GKN1: variants seen among roughly 807,000 people sequenced by gnomAD.
GKN1 encodes the protein gastrokine 1, also known as gastrokine-1.
In GKN1, 17 loss-of-function variants were observed where a neutral mutation model predicts 19.7. That is an observed-to-expected ratio of 0.86 (90% CI 0.59 to 1.29). The LOEUF is 1.29. Ranked by LOEUF, GKN1 falls within the 50% of genes most tolerant of loss-of-function variation. GKN1 has a pLI of 0.00. For synonymous variants in GKN1, 96 were observed against 78.3 expected, an observed-to-expected ratio of 1.23 and a Z score of -1.20; for missense variants, 218 against 224.5, an observed-to-expected ratio of 0.97 and a Z score of 0.19.
chr2:68,977,878 A>C (rs879917471), intron 3 of GKN1, 104 bp downstream of exon 3: 11 of 940,474 alleles, frequency 1.2e-5, no homozygotes, highest in Non-Finnish European at 1.8e-5. Flanking sequence ...ATAAATTCTA[A>C]TTACACATAG....
chr2:68,977,514 T>C lies in GKN1; in HGVS notation c.32T>C (p.Leu11Pro), dbSNP rs772189819. 1 of 1,610,974 alleles carries C rather than the reference T, an allele frequency of 6.2e-7. No individual in the cohort carries two copies. Among genetic ancestry groups the C allele is most frequent in the Non-Finnish European group, 8.5e-7 (1 of 1,177,396 alleles). The change falls in exon 2 of 6, where the codon CTT becomes CCT. Residue 11 changes from leucine to proline, a missense_variant. By Grantham distance (98) the Leu-to-Pro change is moderately conservative (BLOSUM62 -3). Coordinates refer to ENST00000377938, the MANE Select transcript of GKN1 (RefSeq NM_019617.4). ...TTTCAGATTGTCTTTGCTGGACTTCTTGGAGTCTTTCTAGCTCCTGCCCTA... is the reference window on the plus strand; with the variant it reads ...TTTCAGATTGTCTTTGCTGGACTTCCTGGAGTCTTTCTAGCTCCTGCCCTA... MKFTIVFAGL[L>P]GVFLAPALAN...
intron 5 of GKN1, 141 bp downstream of exon 5, chr2:68,980,201 G>A: frequency 1.4e-6 from 1 of 713,876 alleles, no homozygotes; most frequent in Admixed American, 2.0e-5. Context: ...TCTGTGCCAG[G>A]TACTGTTCTA....
At chr2:68,975,008 T>C (rs2103919520) in intron 1 of GKN1, among the ~76,000 whole-genome samples, 1 of 152,240 alleles carries the variant, frequency 6.6e-6, no homozygotes, top group African/African-American at 2.4e-5. Context: ...AAAAAAAATC[T>C]TTTTTCTATT....
chr2:68,978,506 A>T (rs1670311404), intron 3 of GKN1, among the ~76,000 whole-genome samples: 1 of 152,150 alleles, frequency 6.6e-6, no homozygotes, highest in African/African-American at 2.4e-5. Context: ...TTATCTGGTC[A>T]ATTGGAAAAA....
intron 1 of GKN1, among the ~76,000 whole-genome samples, chr2:68,976,690 T>C (rs1670267261): frequency 6.6e-6 from 1 of 152,206 alleles, no homozygotes; most frequent in African/African-American, 2.4e-5. Context: ...ACTTTCTTCT[T>C]TTACTAGATT....
At chr2:68,978,306 G>GACGAAAGAAAGAAAGAAAGAGAGA (rs1670306351) in intron 3 of GKN1, among the ~76,000 whole-genome samples, 2 of 127,684 alleles carry the variant, frequency 1.6e-5, no homozygotes, top group African/African-American at 7.1e-5. Context: ...GAGAGAGAAA[G>GACGAAAGAAAGAAAGAAAGAGAGA]AAAGAAAAAG....
At position 68,980,815 on chromosome 2, in the gene GKN1, G is replaced by A. The variant is rs1670347552; in HGVS notation, c.550G>A (p.Glu184Lys). 1.3e-6 allele frequency: 2 copies of A among 1,515,516 alleles called. No homozygotes were observed. The highest frequency in any genetic ancestry group is 2.3e-5 in the East Asian group (1 of 44,442). The allele number at this position is 1,515,516 out of a possible 1,614,324, so 93.9% of individuals were successfully genotyped here. Reference protein sequence around the residue: ...VDISFCGDTVEN With the variant: ...VDISFCGDTVKN ...CATTTCCTTCTGTGGAGACACGGTG[G>A]AGAACTAAACAATTTTTTAAAGCCA... is the stretch of plus-strand genomic sequence containing the variant. The change falls in exon 6 of 6, where the codon GAG (glutamate) becomes AAG (lysine). Residue 184 changes from glutamate (E) to lysine (K), a missense_variant. Glu to Lys is a moderately conservative substitution (Grantham distance 56). Coordinates refer to ENST00000377938, the MANE Select transcript of GKN1 (RefSeq NM_019617.4).
Position 68,980,740 on chromosome 2 carries a change from T to C in GKN1, c.475T>C (p.Phe159Leu). 6.4e-7 allele frequency: 1 copy of C among 1,560,392 alleles called. No homozygotes were observed. Among genetic ancestry groups the C allele is most frequent in the Non-Finnish European group, 8.8e-7 (1 of 1,131,450 alleles). Residue 159 changes from phenylalanine to leucine, a missense_variant, in exon 6 of 6, where the codon TTT (phenylalanine) becomes CTT (leucine). Transcript: ENST00000377938. Reference protein sequence around the residue: ...MAEEMQEASLFFYSGTCYTTS... With the variant: ...MAEEMQEASLLFYSGTCYTTS... ...TTTCTCTTTATTAGAGGCAAGCCTG[T>C]TTTTTTACTCAGGAACGTGCTACAC...
intron 1 of GKN1, among the ~76,000 whole-genome samples, chr2:68,975,975 G>A (rs1670257817): frequency 6.6e-6 from 1 of 152,082 alleles, no homozygotes; most frequent in South Asian, 2.1e-4. Context: ...GAGGCACCCT[G>A]CATAAAGCTC....
chr2:68,977,804 A>G, intron 3 of GKN1, 30 bp downstream of exon 3: 1 of 1,554,012 alleles, frequency 6.4e-7, no homozygotes, highest in South Asian at 1.1e-5. Flanking sequence ...TTTTCACTTT[A>G]TTGTTTAAAA....
In GKN1 at chr2:68,980,079, G is replaced by A; in HGVS notation, c.463+19G>A. The A allele has an allele frequency of 6.2e-7, 1 of 1,607,900 alleles. No homozygotes were observed. The highest frequency in any genetic ancestry group is 8.5e-7 in the Non-Finnish European group (1 of 1,175,088). On this transcript the variant is annotated intron_variant, in intron 5 of 5. Transcript: ENST00000377938. The stretch of plus-strand genomic sequence containing the variant: ...ATGCAAGGTGAGTAGCATCCCTACT[G>A]TGCACCCCAAGTTAGTGCTGGTGGG...
Position 68,974,639 on chromosome 2 carries a change from C to T in GKN1, c.-39C>T, listed in dbSNP as rs761881352. On this transcript the variant is annotated 5_prime_UTR_variant, in exon 1 of 6. Transcript: ENST00000377938. The stretch of plus-strand genomic sequence containing the variant: ...AGAAGGCTTCTCATTCAGGTCCATG[C>T]TTGCCTACTCCTCTGTCCACTGCTT... 11 of 1,598,152 alleles carry T rather than the reference C, an allele frequency of 6.9e-6. No individual in the cohort carries two copies. The highest frequency in any genetic ancestry group is 1.7e-4 in the Middle Eastern group (1 of 6,040).
At chr2:68,974,997 G>GA (rs5831955) in intron 1 of GKN1, among the ~76,000 whole-genome samples, 4 of 151,600 alleles carry the variant, frequency 2.6e-5, no homozygotes, top group Middle Eastern at 6.8e-3. Flanking sequence ...AAGAAATAAT[G>GA]AAAAAAAATC....
At chr2:68,980,247 A>ACCTAT (rs1172441724) in intron 5 of GKN1, among the ~76,000 whole-genome samples, 187 bp downstream of exon 5, 1 of 152,130 alleles carries the variant, frequency 6.6e-6, no homozygotes, top group African/African-American at 2.4e-5. Flanking sequence ...TCTTCACAGC[A>ACCTAT]ATCTTATAGG....
At chr2:68,979,498 A>G (rs2103925724) in intron 4 of GKN1, among the ~76,000 whole-genome samples, 1 of 152,364 alleles carries the variant, frequency 6.6e-6, no homozygotes, top group East Asian at 1.9e-4. Context: ...GAAGAGATCC[A>G]TAATGTTTTA....
chr2:68,974,835 G>A lies in GKN1; in HGVS notation c.12+146G>A, dbSNP rs529109459. The stretch of plus-strand genomic sequence containing the variant: ...TCTTCAAACACATGGACACAGAGAG[G>A]GGAACAACACACACTAGGTCCTGTT... On this transcript the variant is annotated intron_variant, in intron 1 of 5. Transcript: ENST00000377938. The A allele has an allele frequency of 6.5e-5, 42 of 643,506 alleles. No individual in the cohort carries two copies. The East Asian group carries it at 1.2e-3, about 18-fold the overall frequency. The allele number at this position is 643,506 out of a possible 1,614,324, so 39.9% of individuals were successfully genotyped here.
At chr2:68,978,656 AG>A (rs1483242915) in intron 3 of GKN1, among the ~76,000 whole-genome samples, 1 of 152,192 alleles carries the variant, frequency 6.6e-6, no homozygotes, top group Non-Finnish European at 1.5e-5. Context: ...AAAGCAAACC[AG>A]TTAGATGCTC....
At chr2:68,974,858 G>C (rs1020123388) in intron 1 of GKN1, among the ~76,000 whole-genome samples, 169 bp downstream of exon 1, 1 of 152,094 alleles carries the variant, frequency 6.6e-6, no homozygotes, top group Non-Finnish European at 1.5e-5. Flanking sequence ...ACTAGGTCCT[G>C]TTGGGGGGTG....
At position 68,977,630 on chromosome 2, in the gene GKN1, A is replaced by T. The variant is rs1369064834; in HGVS notation, c.67-7A>T. On this transcript the variant is annotated splice_region_variant and splice_polypyrimidine_tract_variant and intron_variant, in intron 2 of 5. Coordinates refer to ENST00000377938, the MANE Select transcript of GKN1 (RefSeq NM_019617.4). ...TTAAATCACTCTCAATCTCTTATAAACTTCAGAATATCAACGTCAATGATG... is the reference window on the plus strand; with the variant it reads ...TTAAATCACTCTCAATCTCTTATAATCTTCAGAATATCAACGTCAATGATG... 6.2e-7 allele frequency: 1 copy of T among 1,610,114 alleles called. No homozygotes were observed. Among genetic ancestry groups the T allele is most frequent in the East Asian group, 2.2e-5 (1 of 44,866 alleles).
Sources: gnomAD v4.1 joint callset for allele counts (sites outside exome capture counted in the v4.1 genomes callset) on GRCh38, gnomAD v4.1.1 for gene constraint, MANE v1.5 for transcripts, NCBI Gene and HGNC (gene_info 2026-07-23, HGNC 2026-07-21) for gene names.